Variants in KLRG1 observed in about 807,000 individuals in gnomAD.
The protein encoded by KLRG1 is killer cell lectin like receptor G1.
Under a neutral mutation model 21.8 loss-of-function variants are expected in KLRG1, and 16 were observed. That is an observed-to-expected ratio of 0.73 (90% CI 0.50 to 1.11). KLRG1 has a LOEUF of 1.11. Among genes scored for constraint, KLRG1 ranks in the 50% most tolerant of loss-of-function variants. KLRG1 has a pLI of 0.00. For synonymous variants in KLRG1, 69 were observed against 75.9 expected, an observed-to-expected ratio of 0.91 and a Z score of 0.47; for missense variants, 173 against 218.3, an observed-to-expected ratio of 0.79 and a Z score of 1.31.
At chr12:9,061,509 T>A in the KLRG1 span, among the ~76,000 whole-genome samples, 1 of 152,082 alleles carries the variant, frequency 6.6e-6, no homozygotes, top group East Asian at 1.9e-4. Flanking sequence ...TATGTTAAAG[T>A]GTCATTGAAA....
the KLRG1 span, among the ~76,000 whole-genome samples, chr12:9,143,960 G>A: frequency 6.6e-6 from 1 of 152,216 alleles, no homozygotes; most frequent in East Asian, 1.9e-4. Flanking sequence ...GAACAATTAA[G>A]CTGAGAAGAA....
At chr12:9,107,080 C>T in the KLRG1 span, among the ~76,000 whole-genome samples, 1 of 152,138 alleles carries the variant, frequency 6.6e-6, no homozygotes, top group East Asian at 1.9e-4. Flanking sequence ...ATTAGAACTC[C>T]TCATCAAAGT....
the KLRG1 span, among the ~76,000 whole-genome samples, chr12:9,034,652 G>T: frequency 9.2e-5 from 14 of 152,184 alleles, no homozygotes; most frequent in Admixed American, 9.2e-4. Flanking sequence ...TCATCATGTT[G>T]GCCAGGCTGG....
the KLRG1 span, chr12:9,208,363 T>C: frequency 1.3e-6 from 2 of 1,599,696 alleles, no homozygotes; most frequent in Non-Finnish European, 1.7e-6. Flanking sequence ...AATCTCAGGG[T>C]TGTGTCCAAC....
the KLRG1 span, chr12:9,113,351 C>T: frequency 1.2e-6 from 2 of 1,612,452 alleles, no homozygotes; most frequent in Non-Finnish European, 1.7e-6. Flanking sequence ...GTCAAACAGC[C>T]ACACTCACAG....
chr12:9,062,459 G>C, the KLRG1 span, among the ~76,000 whole-genome samples: 1 of 142,550 alleles, frequency 7.0e-6, no homozygotes, highest in African/African-American at 2.6e-5. Flanking sequence ...TGACACAATA[G>C]ATGGATAATA....
intron 1 of KLRG1, among the ~76,000 whole-genome samples, chr12:8,963,540 T>G (rs760815686): frequency 2.0e-5 from 3 of 152,370 alleles, no homozygotes; most frequent in African/African-American, 7.2e-5. Flanking sequence ...AGGATGATGC[T>G]GGCCTCATAA....
chr12:8,968,806 C>T (rs961986752), intron 1 of KLRG1, among the ~76,000 whole-genome samples: 1 of 152,030 alleles, frequency 6.6e-6, no homozygotes, highest in Non-Finnish European at 1.5e-5. Context: ...AAAACAATAC[C>T]TGGAAAATCC....
the KLRG1 span, chr12:9,076,917 G>A: frequency 1.2e-6 from 2 of 1,602,424 alleles, no homozygotes; most frequent in East Asian, 4.5e-5. Flanking sequence ...GCAAAACAGG[G>A]CATTGCGGAC....
chr12:9,000,119 A>T (rs1947261664), intron 3 of KLRG1, among the ~76,000 whole-genome samples: 1 of 152,170 alleles, frequency 6.6e-6, no homozygotes, highest in African/African-American at 2.4e-5. Flanking sequence ...CAAGACATAC[A>T]ATTTCAGTAA....
the KLRG1 span, among the ~76,000 whole-genome samples, chr12:9,158,187 T>C: frequency 1.3e-5 from 2 of 152,194 alleles, no homozygotes; most frequent in African/African-American, 4.8e-5. Flanking sequence ...ACTCCTGGGC[T>C]CAAGTGATCC....
the KLRG1 span, chr12:9,208,511 T>G: frequency 1.8e-6 from 1 of 564,586 alleles, no homozygotes; most frequent in African/African-American, 1.9e-5. Context: ...GGGTCATTAC[T>G]CTCAGTGGTT....
chr12:9,046,893 C>T, the KLRG1 span, among the ~76,000 whole-genome samples: 1 of 152,132 alleles, frequency 6.6e-6, no homozygotes, highest in Non-Finnish European at 1.5e-5. Flanking sequence ...CTTACCTTGT[C>T]ACCCAGGTTG....
the KLRG1 span, among the ~76,000 whole-genome samples, chr12:9,103,458 T>C: frequency 6.6e-6 from 1 of 152,198 alleles, no homozygotes; most frequent in South Asian, 2.1e-4. Flanking sequence ...ATCTTCATTA[T>C]TCTTTAGTGT....
At chr12:9,181,285 A>G in the KLRG1 span, among the ~76,000 whole-genome samples, 1 of 152,230 alleles carries the variant, frequency 6.6e-6, no homozygotes, top group African/African-American at 2.4e-5. Context: ...CCTTCACTTT[A>G]AAAATAGAAA....
At chr12:9,017,690 T>A in the KLRG1 span, among the ~76,000 whole-genome samples, 1 of 152,158 alleles carries the variant, frequency 6.6e-6, no homozygotes, top group South Asian at 2.1e-4. Context: ...AATTGTCTCC[T>A]CTAAGATCTG....
At chr12:9,094,340 C>CAT in the KLRG1 span, among the ~76,000 whole-genome samples, 24,015 of 96,510 alleles carry the variant, frequency 0.25, 2,621 homozygotes, top group East Asian at 0.41. Context: ...AAAAATTGTG[C>CAT]ATATATATAT....
At chr12:9,071,226 C>G in the KLRG1 span, among the ~76,000 whole-genome samples, 5 of 151,984 alleles carry the variant, frequency 3.3e-5, no homozygotes, top group South Asian at 1.0e-3. Flanking sequence ...TTTCTTTCAG[C>G]TGACAAAATG....
chr12:9,152,641 T>G, the KLRG1 span, among the ~76,000 whole-genome samples: 1 of 152,254 alleles, frequency 6.6e-6, no homozygotes, highest in Non-Finnish European at 1.5e-5. Context: ...TAGTATATAT[T>G]ACTTTTATAT....
Sources: allele counts gnomAD v4.1 joint callset (sites outside exome capture counted in the v4.1 genomes callset), GRCh38; gene constraint gnomAD v4.1.1; transcripts MANE v1.5; gene names NCBI Gene and HGNC (gene_info 2026-07-23, HGNC 2026-07-21).